The following SLC35F1 variants were observed in gnomAD, a reference collection of about 807,000 sequenced individuals.
SLC35F1 encodes the protein solute carrier family 35 member F1.
A neutral mutation model predicts 48.7 loss-of-function variants in SLC35F1; 14 were observed. The ratio of observed to expected loss-of-function variants is 0.29; its 90% CI spans 0.19 to 0.45. The LOEUF is 0.45. SLC35F1 is among the 20% of genes least tolerant of loss of function. The pLI is 1.00. For synonymous variants in SLC35F1, 190 were observed against 202.2 expected (o/e 0.94, Z 0.51); for missense variants, 404 against 500.0 (o/e 0.81, Z 1.83).
In SLC35F1 at chr6:118,199,795, T is replaced by C. The variant is rs188991195; in HGVS notation, c.350-35714T>C. The stretch of plus-strand genomic sequence containing the variant: ...TTTTCTACATGTGAACTTCTATCTT[T>C]ATGAAGTCATAAAATAGCATACTAA... On this transcript the variant is annotated intron_variant, in intron 2 of 7. Coordinates refer to ENST00000360388, the MANE Select transcript of SLC35F1 (RefSeq NM_001029858.4). Among the ~76,000 whole-genome samples, 176 of 152,298 alleles carry C rather than the reference T, an allele frequency of 1.2e-3. 4 individuals are homozygous for C. The highest frequency in any genetic ancestry group is 3.9e-3 in the African/African-American group (163 of 41,572).
intron 7 of SLC35F1, among the ~76,000 whole-genome samples, chr6:118,297,758 TATATATA>T (rs1449526046): frequency 1.4e-5 from 2 of 141,676 alleles, no homozygotes. Context: ...ATATATAATA[TATATATA>T]ATATATATAT....
intron 1 of SLC35F1, among the ~76,000 whole-genome samples, chr6:117,953,333 A>G (rs1776386381): frequency 6.6e-6 from 1 of 151,450 alleles, no homozygotes; most frequent in Non-Finnish European, 1.5e-5. Context: ...TCACATGACA[A>G]CCTTATTATT....
intron 3 of SLC35F1, among the ~76,000 whole-genome samples, chr6:118,266,370 A>T (rs966931442): frequency 3.3e-5 from 5 of 152,110 alleles, no homozygotes; most frequent in Non-Finnish European, 4.4e-5. Flanking sequence ...TCTTTAAAAA[A>T]TTTTTTTTCT....
At chr6:118,266,964 T>C in intron 3 of SLC35F1, 31 bp from the exon 4 acceptor site, 5 of 1,610,482 alleles carry the variant, frequency 3.1e-6, no homozygotes, top group Non-Finnish European at 4.2e-6. Context: ...CTGAATCTCC[T>C]GTTGTTGTTT....
At chr6:118,080,836 G>T (rs555120741) in intron 1 of SLC35F1, among the ~76,000 whole-genome samples, 1 of 152,240 alleles carries the variant, frequency 6.6e-6, no homozygotes, top group East Asian at 1.9e-4. Flanking sequence ...AGAGAGTAAG[G>T]CAGAAAAAGC....
intron 1 of SLC35F1, among the ~76,000 whole-genome samples, chr6:117,961,557 A>G (rs1043943059): frequency 3.3e-5 from 5 of 151,246 alleles, no homozygotes; most frequent in Admixed American, 2.0e-4. Flanking sequence ...CTATTCCTCC[A>G]CTCCTCCTCT....
intron 1 of SLC35F1, among the ~76,000 whole-genome samples, chr6:117,951,809 A>G (rs1474736472): frequency 1.3e-5 from 2 of 152,186 alleles, no homozygotes; most frequent in Non-Finnish European, 1.5e-5. Context: ...AACAATGTCA[A>G]TGGTGCAAGT....
chr6:118,098,277 GA>G (rs1773206983), intron 1 of SLC35F1, among the ~76,000 whole-genome samples: 1 of 152,152 alleles, frequency 6.6e-6, no homozygotes, highest in South Asian at 2.1e-4. Context: ...CCTGGGTACA[GA>G]ATGTCCTGAA....
chr6:118,045,213 C>T (rs533603248), intron 1 of SLC35F1, among the ~76,000 whole-genome samples: 2 of 152,246 alleles, frequency 1.3e-5, no homozygotes, highest in Non-Finnish European at 2.9e-5. Context: ...GTTGTGTCTT[C>T]CATCAGAGGT....
intron 1 of SLC35F1, among the ~76,000 whole-genome samples, chr6:118,080,858 G>T (rs972483466): frequency 6.6e-6 from 1 of 152,048 alleles, no homozygotes; most frequent in Non-Finnish European, 1.5e-5. Context: ...GTTAACAGTC[G>T]GTGTAAAGAG....
In SLC35F1 at chr6:118,261,585, G is replaced by A. The variant is rs564673701; in HGVS notation, c.478-5410G>A. Among the ~76,000 whole-genome samples the A allele has an allele frequency of 4.6e-4, 70 of 152,230 alleles. 1 individual carries two copies. Among genetic ancestry groups the A allele is most frequent in the Admixed American group, 3.9e-3 (60 of 15,294 alleles). On this transcript the variant is annotated intron_variant, in intron 3 of 7. Transcript: ENST00000360388. ...GCTGGGGCTTTGGGCTTTGGTAAAC[G>A]CTCAATAAATGTCAGCTGAATGAAG... is the stretch of plus-strand genomic sequence containing the variant.
intron 1 of SLC35F1, among the ~76,000 whole-genome samples, chr6:118,013,766 G>A (rs773766267): frequency 2.0e-5 from 3 of 152,106 alleles, no homozygotes; most frequent in Non-Finnish European, 2.9e-5. Flanking sequence ...TCTAGTCATA[G>A]CTTATTATAT....
intron 2 of SLC35F1, among the ~76,000 whole-genome samples, chr6:118,194,552 CCTAAGCCCG>C (rs1774774849): frequency 6.6e-6 from 1 of 152,022 alleles, no homozygotes; most frequent in South Asian, 2.1e-4. Context: ...CTTATGGGTT[CCTAAGCCCG>C]TGTTCTATCC....
At chr6:118,053,122 A>G (rs1207472643) in intron 1 of SLC35F1, among the ~76,000 whole-genome samples, 1 of 152,188 alleles carries the variant, frequency 6.6e-6, no homozygotes, top group African/African-American at 2.4e-5. Flanking sequence ...CTAAAGGAGA[A>G]GATTTTGTTT....
rs761122765 is a variant in SLC35F1 at position 118,119,504 on chromosome 6, C to A, written c.174-34941C>A. Among the ~76,000 whole-genome samples, 434 of 112,910 alleles carry A rather than the reference C, an allele frequency of 3.8e-3. 24 individuals are homozygous for A. The highest frequency in any genetic ancestry group is 0.011 in the African/African-American group (362 of 32,628). The allele number at this position is 112,910 out of a possible 152,430, so 74.1% of individuals were successfully genotyped here. ...GCAGTAATAACCGGCGCCCCCCCTC[C>A]ACCCCGCTTTTTTTTTTGAGACGGA... is the stretch of plus-strand genomic sequence containing the variant. On this transcript the variant is annotated intron_variant, in intron 1 of 7. Transcript: ENST00000360388.
chr6:118,212,653 G>A (rs1221876451), intron 2 of SLC35F1, among the ~76,000 whole-genome samples: 2 of 149,554 alleles, frequency 1.3e-5, no homozygotes, highest in Non-Finnish European at 3.0e-5. Context: ...TCGCTCCATT[G>A]CACTCCAGCC....
chr6:118,264,930 T>A (rs1775753252), intron 3 of SLC35F1, among the ~76,000 whole-genome samples: 1 of 152,214 alleles, frequency 6.6e-6, no homozygotes, highest in Non-Finnish European at 1.5e-5. Context: ...CTGTGTGCTG[T>A]AGTACAATCC....
intron 1 of SLC35F1, among the ~76,000 whole-genome samples, chr6:118,148,828 G>C (rs1774013372): frequency 6.6e-6 from 1 of 152,132 alleles, no homozygotes; most frequent in Admixed American, 6.6e-5. Flanking sequence ...GGCTTGTTCT[G>C]AAAAGCACCA....
At chr6:117,981,705 G>A (rs959763743) in intron 1 of SLC35F1, among the ~76,000 whole-genome samples, 2 of 152,104 alleles carry the variant, frequency 1.3e-5, no homozygotes, top group Non-Finnish European at 2.9e-5. Context: ...AATGGTTAAT[G>A]TTTTATTTTT....
Sources: gnomAD v4.1 joint callset for allele counts (sites outside exome capture counted in the v4.1 genomes callset) on GRCh38, gnomAD v4.1.1 for gene constraint, MANE v1.5 for transcripts, NCBI Gene and HGNC (gene_info 2026-07-23, HGNC 2026-07-21) for gene names.